The following MNS1 variants were observed in gnomAD, a reference collection of about 807,000 sequenced individuals.
MNS1 encodes the protein meiosis-specific nuclear structural protein 1.
In MNS1, 63 loss-of-function variants were observed where a neutral mutation model predicts 72.0. The observed-to-expected ratio is 0.87, with a 90% confidence interval of 0.71 to 1.08. The LOEUF (loss-of-function observed/expected upper bound fraction) is 1.08. Among genes scored for constraint, MNS1 ranks in the 50% least tolerant of loss-of-function variants. The pLI is 0.00. For missense variants in MNS1, 604 were observed against 562.4 expected (o/e 1.07, Z -0.75); for synonymous variants, 188 against 172.1 (o/e 1.09, Z -0.72).
chr15:56,429,919 T>G (rs1486874153), intron 9 of MNS1: 2 of 152,176 alleles, frequency 1.3e-5, no homozygotes. Context: ...AAGAAAGACA[T>G]TCCTACAATT....
intron 4 of MNS1, among the ~76,000 whole-genome samples, chr15:56,445,194 T>A (rs1483370219): frequency 1.3e-5 from 2 of 152,064 alleles, no homozygotes; most frequent in Non-Finnish European, 2.9e-5. Context: ...CCTTTCTGAT[T>A]TATTAAAGGC....
chr15:56,429,051 A>T lies in MNS1; in HGVS notation c.*50T>A, dbSNP rs752488273. ...ACTGTAAAACAAAAGTTATGCTGAC[A>T]TCTAGTGGTAACATGCAAAAAATCT... On this transcript the variant is annotated 3_prime_UTR_variant, in exon 10 of 10. Coordinates refer to ENST00000260453, the MANE Select transcript of MNS1 (RefSeq NM_018365.4). 1 of 1,201,848 alleles carries T rather than the reference A, an allele frequency of 8.3e-7. No individual in the cohort carries two copies. Among genetic ancestry groups the T allele is most frequent in the South Asian group, 1.4e-5 (1 of 71,754 alleles). 74.4% of individuals were successfully genotyped at this position (1,201,848 alleles called of 1,614,324 possible). A position where few individuals can be genotyped will look rare whatever the true frequency, so the allele number is the denominator to read the frequency against.
intron 3 of MNS1, among the ~76,000 whole-genome samples, chr15:56,453,851 T>TA (rs1478054143): frequency 6.6e-6 from 1 of 152,164 alleles, no homozygotes; most frequent in African/African-American, 2.4e-5. Context: ...AAAATAAACT[T>TA]CAATGATTTT....
At chr15:56,446,399 G>C (rs553212123) in intron 4 of MNS1, among the ~76,000 whole-genome samples, 4 of 151,872 alleles carry the variant, frequency 2.6e-5, no homozygotes, top group African/African-American at 9.7e-5. Context: ...AGTTAGAAAA[G>C]GGGATAAAAG....
intron 7 of MNS1, among the ~76,000 whole-genome samples, chr15:56,438,305 A>G (rs554254765): frequency 2.6e-5 from 4 of 152,296 alleles, no homozygotes; most frequent in Admixed American, 2.6e-4. Flanking sequence ...CCTCAGAAAT[A>G]GTACCACACA....
At chr15:56,430,788 C>T (rs1001925965) in intron 9 of MNS1, among the ~76,000 whole-genome samples, 16 of 152,178 alleles carry the variant, frequency 1.1e-4, no homozygotes, top group African/African-American at 3.1e-4. Flanking sequence ...TGTTTTCATA[C>T]ACATTCTCAT....
chr15:56,443,273 G>T (rs2050850112), intron 7 of MNS1, among the ~76,000 whole-genome samples, 157 bp downstream of exon 7: 1 of 152,016 alleles, frequency 6.6e-6, no homozygotes, highest in Non-Finnish European at 1.5e-5. Flanking sequence ...TATCTTTTTA[G>T]CCAGCTTGAA....
intron 2 of MNS1, among the ~76,000 whole-genome samples, chr15:56,459,051 C>T (rs1234707636): frequency 6.6e-6 from 1 of 152,158 alleles, no homozygotes; most frequent in Non-Finnish European, 1.5e-5. Flanking sequence ...AATGTCAACA[C>T]TCCAGAATGT....
At chr15:56,449,878 G>A (rs1487342241) in intron 3 of MNS1, among the ~76,000 whole-genome samples, 2 of 152,096 alleles carry the variant, frequency 1.3e-5, no homozygotes, top group Non-Finnish European at 2.9e-5. Flanking sequence ...TTAAGTGTTT[G>A]TATGCTCTAC....
Position 56,461,684 on chromosome 15 carries a change from G to C in MNS1, c.225+2342C>G, listed in dbSNP as rs1471379435. Among the ~76,000 whole-genome samples the C allele has an allele frequency of 9.0e-5, 11 of 122,208 alleles. No individual in the cohort carries two copies. In the East Asian group the frequency reaches 2.0e-3, roughly 22 times the overall value. 80.2% of individuals were successfully genotyped at this position (122,208 alleles called of 152,430 possible). A position where few individuals can be genotyped will look rare whatever the true frequency, so the allele number is the denominator to read the frequency against. ...TCAAAAAAAAAAAAAAAAAAAAAAC[G>C]ACACAGAGGCAATATAAAAGGGCAT... On this transcript the variant is annotated intron_variant, in intron 2 of 9. Transcript: ENST00000260453.
chr15:56,444,290 A>C lies in MNS1; in HGVS notation c.686+154T>G, dbSNP rs113855769. 3.3e-3 allele frequency among the ~76,000 whole-genome samples: 501 copies of C among 152,196 alleles called. 2 individuals are homozygous for C. The highest frequency in any genetic ancestry group is 0.012 in the African/African-American group (483 of 41,582). ...ATTAATTATGCTAACGGAGATGAGA[A>C]GGAGTTGGTCCCAATTTATGTTTTC... On this transcript the variant is annotated intron_variant, in intron 5 of 9. Transcript: ENST00000260453.
At chr15:56,446,664 A>G (rs1315124519) in intron 4 of MNS1, among the ~76,000 whole-genome samples, 177 bp downstream of exon 4, 4 of 152,072 alleles carry the variant, frequency 2.6e-5, no homozygotes, top group African/African-American at 4.8e-5. Context: ...GAAAGGCTCT[A>G]ATATTAAAAA....
At position 56,428,829 on chromosome 15, in the gene MNS1, T is replaced by C. The variant is rs2050455362; in HGVS notation, c.*272A>G. The C allele has an allele frequency of 2.6e-6, 1 of 390,918 alleles. No individual in the cohort carries two copies. Among genetic ancestry groups the C allele is most frequent in the Non-Finnish European group, 4.5e-6 (1 of 220,848 alleles). The allele number at this position is 390,918 out of a possible 1,614,324, so 24.2% of individuals were successfully genotyped here. A position where few individuals can be genotyped will look rare whatever the true frequency, so the allele number is the denominator to read the frequency against. On this transcript the variant is annotated 3_prime_UTR_variant, in exon 10 of 10. Transcript: ENST00000260453. ...ACTTTGGGGTAGAGTTCTGTATTAG[T>C]CAAGGTAAATATACTGTCTTGAGGA...
intron 2 of MNS1, among the ~76,000 whole-genome samples, chr15:56,460,009 A>AAAAAAAAAAAAAAAAATAT: frequency 1.9e-4 from 5 of 26,386 alleles, no homozygotes; most frequent in African/African-American, 4.5e-4. Context: ...AAAAAAAAAA[A>AAAAAAAAAAAAAAAAATAT]ATACATATAT....
At chr15:56,429,335 A>G (rs549713476) in intron 9 of MNS1, 142 bp from the exon 10 acceptor site, 3 of 592,162 alleles carry the variant, frequency 5.1e-6, no homozygotes, top group African/African-American at 3.9e-5. Flanking sequence ...CTTTAAAAAA[A>G]TCAATACTTT....
intron 9 of MNS1, chr15:56,429,492 T>C: frequency 3.6e-6 from 1 of 274,204 alleles, no homozygotes; most frequent in Non-Finnish European, 6.7e-6. Context: ...GGAAGGCACT[T>C]CATCTATACT....
intron 9 of MNS1, chr15:56,429,805 G>A (rs1458990499): frequency 1.3e-5 from 2 of 152,038 alleles, no homozygotes; most frequent in African/African-American, 4.8e-5. Context: ...AAGTCATTTG[G>A]CACCATTAGG....
At position 56,465,099 on chromosome 15, in the gene MNS1, G is replaced by T; in HGVS notation, c.-127C>A. The T allele has an allele frequency of 7.5e-7, 1 of 1,324,688 alleles. No homozygotes were observed. The highest frequency in any genetic ancestry group is 1.0e-6 in the Non-Finnish European group (1 of 955,686). 82.1% of individuals were successfully genotyped at this position (1,324,688 alleles called of 1,614,324 possible). On this transcript the variant is annotated 5_prime_UTR_variant, in exon 1 of 10. Coordinates refer to ENST00000260453, the MANE Select transcript of MNS1 (RefSeq NM_018365.4). Reference sequence around the variant, plus strand: ...GCTCGGGTGTTTACGCGGCGTCTTGGCAACGGTGGAGCTGCGCGCCCTCCG... The same window carrying T: ...GCTCGGGTGTTTACGCGGCGTCTTGTCAACGGTGGAGCTGCGCGCCCTCCG...
intron 8 of MNS1, among the ~76,000 whole-genome samples, chr15:56,433,628 A>G (rs144734040): frequency 1.8e-3 from 281 of 152,166 alleles, no homozygotes; most frequent in African/African-American, 6.1e-3. Flanking sequence ...TGATCTCCCT[A>G]TCTCCGAGCT....
Sources: gnomAD v4.1 joint callset for allele counts (sites outside exome capture counted in the v4.1 genomes callset) on GRCh38, gnomAD v4.1.1 for gene constraint, MANE v1.5 for transcripts, NCBI Gene and HGNC (gene_info 2026-07-23, HGNC 2026-07-21) for gene names.